Variants in KDM5A observed in about 807,000 individuals in gnomAD.
KDM5A encodes lysine demethylase 5A.
Under a neutral mutation model 193.5 loss-of-function variants are expected in KDM5A, and 42 were observed. The ratio of observed to expected loss-of-function variants is 0.22; its 90% CI spans 0.17 to 0.28. KDM5A has a LOEUF of 0.28. KDM5A is among the 10% of genes least tolerant of loss of function. The probability of loss-of-function intolerance (pLI) is 1.00; values close to 1 mark genes in which losing one functional copy is unlikely to be tolerated. For missense variants in KDM5A, 1,692 were observed against 2,055.1 expected (o/e 0.82, Z 3.42); for synonymous variants, 796 against 718.1 (o/e 1.11, Z -1.73).
At chr12:326,132 A>G (rs1943780594) in intron 14 of KDM5A, among the ~76,000 whole-genome samples, 1 of 152,232 alleles carries the variant, frequency 6.6e-6, no homozygotes, top group Non-Finnish European at 1.5e-5. Flanking sequence ...GGTGGAGAGG[A>G]AGGAGATTTT....
chr12:297,967 C>G (rs756711496), intron 24 of KDM5A, among the ~76,000 whole-genome samples: 10 of 152,082 alleles, frequency 6.6e-5, no homozygotes, highest in African/African-American at 1.9e-4. Context: ...GATAATAAAC[C>G]TACAAAAAAA....
At chr12:297,657 T>C (rs1230803906) in intron 24 of KDM5A, among the ~76,000 whole-genome samples, 2 of 152,216 alleles carry the variant, frequency 1.3e-5, no homozygotes, top group Non-Finnish European at 2.9e-5. Flanking sequence ...TTCCAGACCC[T>C]GGACCCTACC....
Position 362,964 on chromosome 12 carries a change from T to C in KDM5A, c.671A>G (p.Gln224Arg). The C allele has an allele frequency of 1.2e-6, 2 of 1,613,926 alleles. No individual in the cohort carries two copies. The highest frequency in any genetic ancestry group is 8.5e-7 in the Non-Finnish European group (1 of 1,179,778). Residue 224 changes from glutamine to arginine, a missense_variant and splice_region_variant, in exon 5 of 28, where the codon CAG becomes CGG. Around this residue, in one of 11 missense-constraint regions of KDM5A, gnomAD observed 134 missense variants for 124.2 expected, o/e 1.08. Transcript: ENST00000399788. The part of the protein sequence containing the change: ...LPKRTRRVKT[Q>R]SESGDVSRNT... The stretch of plus-strand genomic sequence containing the variant: ...TAAAAAAGCCCAAGACATTGATACC[T>C]GAGTCTTCACACGTCTTGTTCTCTT...
chr12:388,904 T>C (rs773954106), intron 1 of KDM5A, 23 bp downstream of exon 1: 4 of 1,613,692 alleles, frequency 2.5e-6, no homozygotes, highest in South Asian at 1.1e-5. Flanking sequence ...CTTCTCCCCC[T>C]CTCTCTTCAC....
At position 293,890 on chromosome 12, in the gene KDM5A, G is replaced by A. The variant is rs181806216; in HGVS notation, c.4456-721C>T. Among the ~76,000 whole-genome samples, 330 of 150,190 alleles carry A rather than the reference G, an allele frequency of 2.2e-3. 2 individuals carry two copies. The highest frequency in any genetic ancestry group is 3.4e-3 in the Non-Finnish European group (230 of 67,736). ...GATAACAGTAGAAGATCACAAGTCCGAAATGAAATATTTAACTTATACTAG... is the reference window on the plus strand; with the variant it reads ...GATAACAGTAGAAGATCACAAGTCCAAAATGAAATATTTAACTTATACTAG... On this transcript the variant is annotated intron_variant, in intron 26 of 27. Transcript: ENST00000399788.
chr12:360,761 A>G (rs971323447), intron 5 of KDM5A, among the ~76,000 whole-genome samples: 1 of 152,226 alleles, frequency 6.6e-6, no homozygotes, highest in Admixed American at 6.5e-5. Flanking sequence ...GGCATCATGT[A>G]AGAAGAGGGC....
At chr12:293,555 G>A (rs1365987780) in intron 26 of KDM5A, among the ~76,000 whole-genome samples, 4 of 152,120 alleles carry the variant, frequency 2.6e-5, no homozygotes, top group Admixed American at 2.6e-4. Context: ...GAGGCGGGTG[G>A]ATCACTTGAG....
At position 366,066 on chromosome 12, in the gene KDM5A, T is replaced by C. The variant is rs938270691; in HGVS notation, c.405A>G (p.Lys135=). 1 of 1,614,144 alleles carries C rather than the reference T, an allele frequency of 6.2e-7. No homozygotes were observed. The highest frequency in any genetic ancestry group is 8.5e-7 in the Non-Finnish European group (1 of 1,179,998). The part of the protein sequence containing the change: ...ASKGGFEMVT[K]EKKWSKVGSR... ...TACCCACTTTAGACCATTTCTTCTCTTTGGTGACCATTTCAAAACCTCCTT... is the reference window on the plus strand; with the variant it reads ...TACCCACTTTAGACCATTTCTTCTCCTTGGTGACCATTTCAAAACCTCCTT... The change falls in exon 4 of 28, where the codon AAA becomes AAG. Residue 135 remains lysine, a synonymous_variant. Coordinates refer to ENST00000399788, the MANE Select transcript of KDM5A (RefSeq NM_001042603.3).
At chr12:312,981 GAATT>G (rs1022409497) in intron 20 of KDM5A, 71 bp downstream of exon 20, 219 of 1,430,382 alleles carry the variant, frequency 1.5e-4, no homozygotes, top group Non-Finnish European at 2.0e-4. Flanking sequence ...CTATTCTAAA[GAATT>G]AATAGTTTAA....
intron 10 of KDM5A, among the ~76,000 whole-genome samples, chr12:347,731 T>C (rs1210501351): frequency 6.6e-6 from 1 of 152,130 alleles, no homozygotes. Context: ...TGAAACTGGA[T>C]CCCTTCCTTA....
At chr12:384,245 G>C (rs1944612585) in intron 2 of KDM5A, 92 bp from the exon 3 acceptor site, 1 of 929,922 alleles carries the variant, frequency 1.1e-6, no homozygotes, top group South Asian at 1.3e-5. Context: ...ATGTGGACCA[G>C]TACCCATCAG....
chr12:339,070 C>T (rs546093412), intron 10 of KDM5A, among the ~76,000 whole-genome samples: 4 of 151,376 alleles, frequency 2.6e-5, no homozygotes, highest in South Asian at 2.1e-4. Flanking sequence ...CCCAGCTACT[C>T]GGGAGGCTGA....
At chr12:298,551 A>G (rs961021743) in intron 24 of KDM5A, among the ~76,000 whole-genome samples, 2 of 152,208 alleles carry the variant, frequency 1.3e-5, no homozygotes, top group African/African-American at 4.8e-5. Flanking sequence ...AAGGTCACCA[A>G]CATCAAAGAC....
rs1943831939 is a variant in KDM5A, at chr12:329,185, T to C, written c.1774-156A>G. 4.4e-6 allele frequency: 3 copies of C among 686,488 alleles called. No individual in the cohort carries two copies. In the East Asian group the frequency reaches 8.1e-5, roughly 19 times the overall value. The allele number at this position is 686,488 out of a possible 1,614,324, so 42.5% of individuals were successfully genotyped here. On this transcript the variant is annotated intron_variant, in intron 13 of 27. Coordinates refer to ENST00000399788, the MANE Select transcript of KDM5A (RefSeq NM_001042603.3). ...GCAATATTCTATTAACTGTAAATAT[T>C]AACCCTGTAAGACCCAGCCAGAGTT...
chr12:288,184 A>G (rs1943244727), intron 27 of KDM5A, among the ~76,000 whole-genome samples: 2 of 152,222 alleles, frequency 1.3e-5, no homozygotes, highest in Non-Finnish European at 2.9e-5. Context: ...AAAGCAAACT[A>G]AAGTTTGGGA....
rs143805913 is a variant in KDM5A, at chr12:298,233, C to T, written c.4075-1033G>A. Among the ~76,000 whole-genome samples, 4 of 152,338 alleles carry T rather than the reference C, an allele frequency of 2.6e-5. No homozygotes were observed. The East Asian group carries it at 7.7e-4, about 29-fold the overall frequency. ...TGCCTCCTCAAGTGGGTCCCTGGCC[C>T]CCGTGCATCCTGACGGGGAGACACC... On this transcript the variant is annotated intron_variant, in intron 24 of 27. Coordinates refer to ENST00000399788, the MANE Select transcript of KDM5A (RefSeq NM_001042603.3).
At chr12:301,044 C>T (rs1318392635) in intron 24 of KDM5A, among the ~76,000 whole-genome samples, 1 of 152,044 alleles carries the variant, frequency 6.6e-6, no homozygotes, top group East Asian at 1.9e-4. Context: ...TAATAGCATA[C>T]CAACCAAAAA....
At chr12:347,302 G>T (rs1944090642) in intron 10 of KDM5A, among the ~76,000 whole-genome samples, 1 of 152,136 alleles carries the variant, frequency 6.6e-6, no homozygotes, top group Non-Finnish European at 1.5e-5. Context: ...CTCATGGATA[G>T]GAAGAATCAA....
intron 14 of KDM5A, among the ~76,000 whole-genome samples, chr12:326,754 G>A (rs1207396310): frequency 6.6e-6 from 1 of 151,742 alleles, no homozygotes; most frequent in South Asian, 2.1e-4. Context: ...CCAGCTACTC[G>A]GGAGGCTGAG....
Sources: gnomAD v4.1 joint callset for allele counts (sites outside exome capture counted in the v4.1 genomes callset) on GRCh38, gnomAD v4.1.1 for gene constraint, gnomAD v4.1.1 regional missense constraint, MANE v1.5 for transcripts, NCBI Gene and HGNC (gene_info 2026-07-23, HGNC 2026-07-21) for gene names.